Variants in KLHL5 observed in about 807,000 individuals in gnomAD.
The protein encoded by KLHL5 is kelch-like protein 5.
A neutral mutation model predicts 77.7 loss-of-function variants in KLHL5; 48 were observed. That is an observed-to-expected ratio of 0.62 (90% CI 0.49 to 0.79). KLHL5 has a LOEUF of 0.79. Among genes scored for constraint, KLHL5 ranks in the 30% least tolerant of loss-of-function variants. The probability of loss-of-function intolerance (pLI) is 0.00; values close to 1 mark genes in which losing one functional copy is unlikely to be tolerated. For synonymous variants in KLHL5, 260 were observed against 297.0 expected (o/e 0.88, Z 1.28); for missense variants, 723 against 859.7 (o/e 0.84, Z 1.99).
intron 5 of KLHL5, chr4:39,093,342 G>A: frequency 2.2e-6 from 1 of 452,480 alleles, no homozygotes; most frequent in Non-Finnish European, 4.4e-6. Context: ...GAGAGAAGAT[G>A]GGAATGAGGA....
intron 1 of KLHL5, among the ~76,000 whole-genome samples, chr4:39,056,923 G>A (rs1487555351): frequency 6.6e-6 from 1 of 152,140 alleles, no homozygotes; most frequent in African/African-American, 2.4e-5. Flanking sequence ...TTCAGATCTT[G>A]TTGCTTCCAG....
Position 39,124,480 on chromosome 4 carries a change from G to A in KLHL5, c.*3414G>A, listed in dbSNP as rs1362618846. On this transcript the variant is annotated 3_prime_UTR_variant, in exon 11 of 11. Coordinates refer to ENST00000504108, the MANE Select transcript of KLHL5 (RefSeq NM_015990.5). ...GTATAAAAATATATAAAGCAATAGAGTAGAATGGAAAGTCCAGAAACAAAT... is the reference window on the plus strand; with the variant it reads ...GTATAAAAATATATAAAGCAATAGAATAGAATGGAAAGTCCAGAAACAAAT... Among the ~76,000 whole-genome samples the A allele has an allele frequency of 6.6e-6, 1 of 152,040 alleles. No homozygotes were observed. The highest frequency in any genetic ancestry group is 2.4e-5 in the African/African-American group (1 of 41,416).
At position 39,076,137 on chromosome 4, in the gene KLHL5, C is replaced by G. The variant is rs146536122; in HGVS notation, c.556C>G (p.Pro186Ala). 6.9e-6 allele frequency: 11 copies of G among 1,602,926 alleles called. No individual in the cohort carries two copies. The highest frequency in any genetic ancestry group is 8.5e-6 in the Non-Finnish European group (10 of 1,177,286). ...VILVAGDRRI[P>A]AHRLVLSSVS... is the part of the protein sequence containing the mutation. ...TTTAGTCGCTGGTGATCGCAGAATT[C>G]CAGCTCACAGGTAGTTGTTTTCTAT... Residue 186 changes from proline (P) to alanine (A), a missense_variant, in exon 2 of 11, where the codon CCA becomes GCA. Pro to Ala is a conservative substitution (Grantham distance 27). Coordinates refer to ENST00000504108, the MANE Select transcript of KLHL5 (RefSeq NM_015990.5).
At chr4:39,072,988 G>T (rs1718630747) in intron 1 of KLHL5, among the ~76,000 whole-genome samples, 2 of 152,256 alleles carry the variant, frequency 1.3e-5, no homozygotes, top group South Asian at 4.1e-4. Context: ...TAGAGTTAAT[G>T]AATTTGTTAA....
chr4:39,048,433 T>C (rs1156377769), intron 1 of KLHL5, among the ~76,000 whole-genome samples: 1 of 152,142 alleles, frequency 6.6e-6, no homozygotes, highest in African/African-American at 2.4e-5. Context: ...CCAGGCAGGA[T>C]AGATTATGCT....
At chr4:39,075,086 C>T (rs554590091) in intron 1 of KLHL5, among the ~76,000 whole-genome samples, 1 of 152,070 alleles carries the variant, frequency 6.6e-6, no homozygotes, top group African/African-American at 2.4e-5. Flanking sequence ...AACCCTAGCA[C>T]TTTGGGAGGC....
chr4:39,069,549 T>TGAACC, intron 1 of KLHL5, among the ~76,000 whole-genome samples: 1 of 8,830 alleles, frequency 1.1e-4, no homozygotes, highest in Admixed American at 1.3e-3. Context: ...TATATATATA[T>TGAACC]ATATATATAT....
chr4:39,099,685 G>C (rs1721376084), intron 6 of KLHL5, among the ~76,000 whole-genome samples: 1 of 152,112 alleles, frequency 6.6e-6, no homozygotes, highest in African/African-American at 2.4e-5. Flanking sequence ...AGCTTACCAA[G>C]GAGCCCTTCC....
At chr4:39,089,792 G>C (rs556961378) in intron 5 of KLHL5, among the ~76,000 whole-genome samples, 1 of 152,288 alleles carries the variant, frequency 6.6e-6, no homozygotes, top group South Asian at 2.1e-4. Flanking sequence ...AAACTGTGGG[G>C]CTGGGGCCTG....
chr4:39,063,916 A>C (rs1429358570), intron 1 of KLHL5: 1 of 152,444 alleles, frequency 6.6e-6, no homozygotes, highest in Non-Finnish European at 1.5e-5. Flanking sequence ...AGAGCATGAA[A>C]GTCATCTTTC....
At chr4:39,083,861 GTTT>G (rs1719827859) in intron 4 of KLHL5, among the ~76,000 whole-genome samples, 1 of 152,068 alleles carries the variant, frequency 6.6e-6, no homozygotes, top group South Asian at 2.1e-4. Context: ...TTAGCTGGAT[GTTT>G]TTAAAGCTAT....
rs1053975051 is a variant in KLHL5 at position 39,122,883 on chromosome 4, G to T, written c.*1817G>T. Among the ~76,000 whole-genome samples, 7 of 151,762 alleles carry T rather than the reference G, an allele frequency of 4.6e-5. No homozygotes were observed. The highest frequency in any genetic ancestry group is 1.7e-4 in the African/African-American group (7 of 41,340). Reference sequence around the variant, plus strand: ...GAATTATTTTAATAAAAAAAAGAGGGTTTATGCTCTATAGTAATAAAATTT... The same window carrying T: ...GAATTATTTTAATAAAAAAAAGAGGTTTTATGCTCTATAGTAATAAAATTT... On this transcript the variant is annotated 3_prime_UTR_variant, in exon 11 of 11. Transcript: ENST00000504108.
rs1723317466 is a variant in KLHL5 at position 39,123,079 on chromosome 4, T to G, written c.*2013T>G. 1.3e-5 allele frequency among the ~76,000 whole-genome samples: 2 copies of G among 152,196 alleles called. No individual in the cohort carries two copies. Among genetic ancestry groups the G allele is most frequent in the Middle Eastern group, 3.2e-3 (1 of 316 alleles). On this transcript the variant is annotated 3_prime_UTR_variant, in exon 11 of 11. Coordinates refer to ENST00000504108, the MANE Select transcript of KLHL5 (RefSeq NM_015990.5). ...TGCATGGTATTTTAGGCAACTTAAC[T>G]ATAAACAAATTTATTCATAGAAGCA... is the stretch of plus-strand genomic sequence containing the variant.
chr4:39,052,763 G>C (rs936806806), intron 1 of KLHL5, among the ~76,000 whole-genome samples: 93 of 152,264 alleles, frequency 6.1e-4, no homozygotes, highest in African/African-American at 2.1e-3. Flanking sequence ...TCCGTGCTCC[G>C]CAGGAGTTTA....
intron 2 of KLHL5, 111 bp downstream of exon 2, chr4:39,076,258 G>A: frequency 1.1e-6 from 1 of 885,108 alleles, no homozygotes. Flanking sequence ...AAGGGGTGTA[G>A]TTCATGGAAT....
At chr4:39,084,108 G>A (rs10033584) in intron 4 of KLHL5, among the ~76,000 whole-genome samples, 3 of 152,104 alleles carry the variant, frequency 2.0e-5, no homozygotes, top group African/African-American at 7.2e-5. Flanking sequence ...TCCAAAGGGG[G>A]AAAGGTCACA....
At chr4:39,048,049 T>C (rs1321775255) in intron 1 of KLHL5, among the ~76,000 whole-genome samples, 1 of 152,210 alleles carries the variant, frequency 6.6e-6, no homozygotes, top group African/African-American at 2.4e-5. Flanking sequence ...GGGTACTGGG[T>C]AGTAGAAAAA....
intron 1 of KLHL5, among the ~76,000 whole-genome samples, chr4:39,056,107 A>G (rs1197005390): frequency 6.6e-6 from 1 of 152,228 alleles, no homozygotes; most frequent in African/African-American, 2.4e-5. Context: ...TTGGTATAAT[A>G]CAACTGAATT....
chr4:39,121,547 ATT>A lies in KLHL5; in HGVS notation c.*483_*484del, dbSNP rs1270330560. The A allele has an allele frequency of 2.0e-5, 3 of 152,512 alleles. No individual in the cohort carries two copies. The highest frequency in any genetic ancestry group is 7.3e-5 in the African/African-American group (3 of 40,868). The allele number at this position is 152,512 out of a possible 1,614,324, so 9.4% of individuals were successfully genotyped here. On this transcript the variant is annotated 3_prime_UTR_variant, in exon 11 of 11. Coordinates refer to ENST00000504108, the MANE Select transcript of KLHL5 (RefSeq NM_015990.5). ...TTAATGATATACTAAAGATAACACT[ATT>A]TAGTTTTTTCAGAAACATCTGCATT...
Sources: allele counts gnomAD v4.1 joint callset (sites outside exome capture counted in the v4.1 genomes callset), GRCh38; gene constraint gnomAD v4.1.1; transcripts MANE v1.5; gene names NCBI Gene and HGNC (gene_info 2026-07-23, HGNC 2026-07-21).